ANO10: variants seen among roughly 807,000 people sequenced by gnomAD.
ANO10 encodes the protein anoctamin 10, also known as anoctamin-10.
A neutral mutation model predicts 74.7 loss-of-function variants in ANO10; 77 were observed. That is an observed-to-expected ratio of 1.03 (90% CI 0.86 to 1.25). The LOEUF (loss-of-function observed/expected upper bound fraction) is 1.25, where lower values mean the gene tolerates loss of function less well. ANO10 is among the 50% of genes most tolerant of loss of function. ANO10 has a pLI of 0.00. For missense variants in ANO10, 721 were observed against 778.1 expected (o/e 0.93, Z 0.87); for synonymous variants, 279 against 284.9 (o/e 0.98, Z 0.21).
In ANO10 at chr3:43,656,572, G is replaced by A. The variant is rs9881802; in HGVS notation, c.-12+34945C>T. Among the ~76,000 whole-genome samples, 1,337 of 152,364 alleles carry A rather than the reference G, an allele frequency of 8.8e-3. 22 individuals carry two copies. Among genetic ancestry groups the A allele is most frequent in the African/African-American group, 0.029 (1,209 of 41,592 alleles). On this transcript the variant is annotated intron_variant, in intron 1 of 3. Coordinates refer to the ANO10 transcript ENST00000413397. ...GGCTGCAGGTAGCGAGCCCTGCCCT[G>A]CGGGAAGGCAGCTAAGGCCTGGTGA...
chr3:43,663,539 A>G (rs2149573955), intron 1 of ANO10, among the ~76,000 whole-genome samples: 1 of 152,346 alleles, frequency 6.6e-6, no homozygotes, highest in African/African-American at 2.4e-5. Context: ...AGTTCTGGCC[A>G]GGGCAATCAG....
intron 11 of ANO10, among the ~76,000 whole-genome samples, chr3:43,494,280 C>A (rs904429470): frequency 2.6e-5 from 4 of 152,038 alleles, no homozygotes; most frequent in African/African-American, 9.7e-5. Flanking sequence ...ATGGTGAAAC[C>A]CCGTCTGTAC....
chr3:43,568,398 C>T (rs1254238012), intron 7 of ANO10, among the ~76,000 whole-genome samples: 1 of 152,214 alleles, frequency 6.6e-6, no homozygotes, highest in African/African-American at 2.4e-5. Flanking sequence ...ATCAGCACCA[C>T]ACCACACCTA....
At position 43,564,069 on chromosome 3, in the gene ANO10, C is replaced by T. The variant is rs151031822; in HGVS notation, c.1293+1584G>A. Reference sequence around the variant, plus strand: ...ATTACACATTTTTTTTTTTGAGACACGGTCTCACTTTGCAGTGCAGTGGCG... The same window carrying T: ...ATTACACATTTTTTTTTTTGAGACATGGTCTCACTTTGCAGTGCAGTGGCG... On this transcript the variant is annotated intron_variant, in intron 8 of 12. Transcript: ENST00000292246. Among the ~76,000 whole-genome samples the T allele has an allele frequency of 2.2e-3, 330 of 151,694 alleles. 1 individual carries two copies. Among genetic ancestry groups the T allele is most frequent in the Non-Finnish European group, 3.6e-3 (247 of 67,914 alleles).
chr3:43,691,060 G>A, intron 1 of ANO10: 3 of 1,534,838 alleles, frequency 2.0e-6, no homozygotes, highest in East Asian at 2.7e-5. Flanking sequence ...CCGGCAGGGG[G>A]CTTCGTGTGT....
chr3:43,420,904 T>C (rs866629321), intron 12 of ANO10, among the ~76,000 whole-genome samples: 2 of 152,204 alleles, frequency 1.3e-5, no homozygotes, highest in South Asian at 2.1e-4. Context: ...AATTCGATGA[T>C]GCCAACAGTA....
chr3:43,684,839 C>T (rs2084253217), intron 1 of ANO10, among the ~76,000 whole-genome samples: 1 of 152,116 alleles, frequency 6.6e-6, no homozygotes, highest in Non-Finnish European at 1.5e-5. Flanking sequence ...GGACAAAAAA[C>T]CAAACACCGC....
At chr3:43,464,337 A>G (rs2075520967) in intron 11 of ANO10, among the ~76,000 whole-genome samples, 1 of 152,196 alleles carries the variant, frequency 6.6e-6, no homozygotes, top group South Asian at 2.1e-4. Context: ...TTAGAACATC[A>G]AATCCAGCAA....
chr3:43,486,101 C>G (rs996570260), intron 11 of ANO10, among the ~76,000 whole-genome samples: 1 of 152,334 alleles, frequency 6.6e-6, no homozygotes, highest in Admixed American at 6.5e-5. Flanking sequence ...GCAGCCAGGG[C>G]TTCCCTTTCT....
chr3:43,367,942 C>T (rs2091469280), intron 12 of ANO10, among the ~76,000 whole-genome samples: 1 of 152,214 alleles, frequency 6.6e-6, no homozygotes, highest in Non-Finnish European at 1.5e-5. Flanking sequence ...CCACCCAGGG[C>T]TGGAAGCAAT....
chr3:43,506,599 C>A (rs938694372), intron 11 of ANO10, among the ~76,000 whole-genome samples: 7 of 152,186 alleles, frequency 4.6e-5, no homozygotes, highest in African/African-American at 1.7e-4. Flanking sequence ...TTTATGGACT[C>A]AAACTCCCAT....
chr3:43,465,197 C>T (rs997934797), intron 11 of ANO10, among the ~76,000 whole-genome samples: 7 of 152,130 alleles, frequency 4.6e-5, no homozygotes, highest in Non-Finnish European at 7.3e-5. Flanking sequence ...AATTTTCTTC[C>T]TGTCAGCTGT....
Position 43,605,814 on chromosome 3 carries a change from AC to A in ANO10, c.38del (p.Ser13IlefsTer9), listed in dbSNP as rs1176505942. ...VTLSALDTSE[S>X]SFTPLVVIEL... is the part of the protein sequence containing the mutation. ...CTATGACCACCAAAGGTGTGAAAGA[AC>A]TCTCAGAAGTATCCAAAGCTGATAA... On this transcript the variant is annotated frameshift_variant, in exon 2 of 13. Coordinates refer to ENST00000292246, the MANE Select transcript of ANO10 (RefSeq NM_018075.5). LOFTEE classifies it high-confidence loss of function. 1.9e-6 allele frequency: 3 copies of A among 1,613,752 alleles called. No individual in the cohort carries two copies. In the Admixed American group the frequency reaches 5.0e-5, roughly 27 times the overall value.
chr3:43,473,044 G>A (rs150297560), intron 11 of ANO10, among the ~76,000 whole-genome samples: 93 of 152,152 alleles, frequency 6.1e-4, no homozygotes, highest in African/African-American at 2.2e-3. Flanking sequence ...TAGCATTTCT[G>A]TATATTTGAA....
At chr3:43,541,895 T>C (rs2078973476) in intron 11 of ANO10, among the ~76,000 whole-genome samples, 1 of 152,054 alleles carries the variant, frequency 6.6e-6, no homozygotes, top group Admixed American at 6.6e-5. Flanking sequence ...CCAGGGGAAG[T>C]GAAGGGGAAG....
At chr3:43,501,025 AG>A (rs1358730287) in intron 11 of ANO10, among the ~76,000 whole-genome samples, 3 of 152,258 alleles carry the variant, frequency 2.0e-5, no homozygotes, top group Admixed American at 1.3e-4. Context: ...ATTCTGAAAC[AG>A]AAGATGCCAT....
intron 1 of ANO10, among the ~76,000 whole-genome samples, chr3:43,630,366 C>T (rs1295104585): frequency 1.3e-5 from 2 of 151,902 alleles, no homozygotes; most frequent in South Asian, 2.1e-4. Flanking sequence ...ACACCTAAAA[C>T]AAATTGATTC....
At chr3:43,392,731 T>A (rs2125720038) in intron 12 of ANO10, among the ~76,000 whole-genome samples, 1 of 152,314 alleles carries the variant, frequency 6.6e-6, no homozygotes, top group East Asian at 1.9e-4. Flanking sequence ...CCACTCCTCA[T>A]CCCTGCTCAC....
At chr3:43,563,610 T>C (rs1575434219) in intron 8 of ANO10, among the ~76,000 whole-genome samples, 1 of 152,078 alleles carries the variant, frequency 6.6e-6, no homozygotes, top group African/African-American at 2.4e-5. Context: ...TCAGTGTCTA[T>C]CAACAGATGA....
Sources: allele counts gnomAD v4.1 joint callset (sites outside exome capture counted in the v4.1 genomes callset), GRCh38; gene constraint gnomAD v4.1.1; transcripts MANE v1.5; gene names NCBI Gene and HGNC (gene_info 2026-07-23, HGNC 2026-07-21).